The following HEATR3 variants were observed in gnomAD, a reference collection of about 807,000 sequenced individuals.
HEATR3 encodes HEAT repeat containing 3.
Under a neutral mutation model 72.8 loss-of-function variants are expected in HEATR3, and 56 were observed. The ratio of observed to expected loss-of-function variants is 0.77; its 90% CI spans 0.62 to 0.96. HEATR3 has a LOEUF of 0.96. Among genes scored for constraint, HEATR3 ranks in the 40% least tolerant of loss-of-function variants. The pLI, the probability that HEATR3 is intolerant of heterozygous loss-of-function variation, is 0.00. For missense variants in HEATR3, 747 were observed against 831.4 expected (o/e 0.90, Z 1.25); for synonymous variants, 331 against 318.1 (o/e 1.04, Z -0.43).
chr16:50,075,526 A>G lies in HEATR3; in HGVS notation c.623-45A>G, dbSNP rs901850170. On this transcript the variant is annotated intron_variant, in intron 5 of 14. Coordinates refer to ENST00000299192, the MANE Select transcript of HEATR3 (RefSeq NM_182922.4). ...GAGTTATACTGGTGTAAATTATCCA[A>G]AGCAGAATTCATTTGTTTCTAAATA... 8 of 1,559,004 alleles carry G rather than the reference A, an allele frequency of 5.1e-6. No individual in the cohort carries two copies. In the African/African-American group the frequency reaches 1.1e-4, roughly 21 times the overall value.
rs1372836017 is a variant in HEATR3 at position 50,066,088 on chromosome 16, T to G, written c.-44T>G. The G allele has an allele frequency of 1.9e-6, 3 of 1,552,172 alleles. No homozygotes were observed. The highest frequency in any genetic ancestry group is 2.6e-6 in the Non-Finnish European group (3 of 1,152,776). ...GCGCGGCAGCCTCCACCGCCTGCTGTTGCCCTCCTCTCTCGGTGGTCTGTC... is the reference window on the plus strand; with the variant it reads ...GCGCGGCAGCCTCCACCGCCTGCTGGTGCCCTCCTCTCTCGGTGGTCTGTC... On this transcript the variant is annotated 5_prime_UTR_variant, in exon 1 of 15. Transcript: ENST00000299192.
chr16:50,073,905 A>G (rs1290244823), intron 5 of HEATR3: 1 of 152,234 alleles, frequency 6.6e-6, no homozygotes. Context: ...TTGCTTCTAA[A>G]GTCAAGCAAT....
intron 11 of HEATR3, among the ~76,000 whole-genome samples, chr16:50,086,606 T>C (rs938038763): frequency 6.6e-6 from 1 of 152,206 alleles, no homozygotes; most frequent in Non-Finnish European, 1.5e-5. Context: ...GGCTGTATCA[T>C]AAATATCATA....
intron 4 of HEATR3, among the ~76,000 whole-genome samples, chr16:50,072,134 G>A (rs1337547762): frequency 6.6e-6 from 1 of 152,036 alleles, no homozygotes; most frequent in Non-Finnish European, 1.5e-5. Flanking sequence ...AAATATAGAG[G>A]CCTTTTATCC....
intron 11 of HEATR3, among the ~76,000 whole-genome samples, chr16:50,091,378 A>C (rs992042255): frequency 4.0e-5 from 6 of 151,760 alleles, no homozygotes; most frequent in African/African-American, 1.5e-4. Flanking sequence ...GAGGCAGGAG[A>C]ATCACTTGAA....
At chr16:50,089,419 A>G (rs1006825073) in intron 11 of HEATR3, among the ~76,000 whole-genome samples, 4 of 152,064 alleles carry the variant, frequency 2.6e-5, no homozygotes, top group Admixed American at 1.3e-4. Context: ...TTGCCTATGT[A>G]ATGGGTTTGG....
intron 12 of HEATR3, among the ~76,000 whole-genome samples, chr16:50,095,830 A>C (rs78566449): frequency 6.6e-6 from 1 of 152,108 alleles, no homozygotes; most frequent in Admixed American, 6.6e-5. Context: ...AAAGCAAATC[A>C]TATTAGACCC....
At chr16:50,075,459 C>T (rs2036703850) in intron 5 of HEATR3, 112 bp from the exon 6 acceptor site, 2 of 985,560 alleles carry the variant, frequency 2.0e-6, no homozygotes, top group Admixed American at 4.5e-5. Context: ...GCAAAACCTA[C>T]ATGTGTCTAA....
intron 4 of HEATR3, 69 bp downstream of exon 4, chr16:50,070,359 G>A: frequency 1.4e-6 from 1 of 693,008 alleles, no homozygotes; most frequent in Non-Finnish European, 2.4e-6. Flanking sequence ...GTTATACTGT[G>A]TAGGAATCTC....
At chr16:50,066,672 T>G in intron 2 of HEATR3, 133 bp downstream of exon 2, 2 of 836,166 alleles carry the variant, frequency 2.4e-6, no homozygotes, top group Non-Finnish European at 3.2e-6. Context: ...TTGCAGAGAT[T>G]TGAAGCCAGT....
intron 11 of HEATR3, among the ~76,000 whole-genome samples, chr16:50,091,486 A>T (rs755992350): frequency 6.6e-6 from 1 of 151,864 alleles, no homozygotes; most frequent in Non-Finnish European, 1.5e-5. Flanking sequence ...ATAATAATAA[A>T]AAAATTTTAA....
chr16:50,090,381 C>T (rs1391024658), intron 11 of HEATR3, among the ~76,000 whole-genome samples: 3 of 151,756 alleles, frequency 2.0e-5, no homozygotes, highest in Non-Finnish European at 4.4e-5. Flanking sequence ...GAATTTAGTG[C>T]GGAGAATGGG....
At chr16:50,079,059 TG>T (rs1440688973) in intron 7 of HEATR3, 41 bp downstream of exon 7, 6 of 1,398,926 alleles carry the variant, frequency 4.3e-6, no homozygotes, top group East Asian at 5.1e-5. Context: ...TTAATACAGC[TG>T]TTTTTTTTTT....
intron 10 of HEATR3, among the ~76,000 whole-genome samples, chr16:50,085,496 T>G (rs1487153147): frequency 6.6e-6 from 1 of 151,268 alleles, no homozygotes; most frequent in East Asian, 2.0e-4. Context: ...TAGCCTGGCA[T>G]AGTGGCACTC....
At chr16:50,095,808 C>T (rs946140959) in intron 12 of HEATR3, among the ~76,000 whole-genome samples, 3 of 152,020 alleles carry the variant, frequency 2.0e-5, no homozygotes, top group Non-Finnish European at 4.4e-5. Context: ...TTTTTGTTTC[C>T]TGGAGTATTT....
At chr16:50,097,345 A>ATT (rs11383881) in intron 12 of HEATR3, among the ~76,000 whole-genome samples, 17,989 of 125,806 alleles carry the variant, frequency 0.14, 1,956 homozygotes, top group African/African-American at 0.29. Flanking sequence ...ATTAGCTATG[A>ATT]TTTTTTTTTT....
chr16:50,078,553 G>A (rs188787092), intron 6 of HEATR3, among the ~76,000 whole-genome samples, 188 bp from the exon 7 acceptor site: 2 of 152,196 alleles, frequency 1.3e-5, no homozygotes, highest in Admixed American at 6.5e-5. Flanking sequence ...AGATGATTGT[G>A]CAGGGTTATA....
Position 50,086,330 on chromosome 16 carries a change from C to T in HEATR3, c.1489C>T (p.Gln497Ter), listed in dbSNP as rs151327885. 1.2e-6 allele frequency: 2 copies of T among 1,601,572 alleles called. No homozygotes were observed. The highest frequency in any genetic ancestry group is 1.7e-6 in the Non-Finnish European group (2 of 1,173,982). ...TCAGACGCTTGCACAGCATCTGTCA[C>T]AGCTGCTTTTTTCTCAACCAGGTAT... ...ALQTLAQHLS[Q>*]LLFSQPDFAK... Residue 497 changes from glutamine (Q) to a stop codon, truncating the protein, a stop_gained, in exon 11 of 15, where the codon CAG becomes TAG. Coordinates refer to ENST00000299192, the MANE Select transcript of HEATR3 (RefSeq NM_182922.4). LOFTEE classifies it high-confidence loss of function.
In HEATR3 at chr16:50,084,982, A is replaced by G. The variant is rs946483753; in HGVS notation, c.1373+331A>G. Among the ~76,000 whole-genome samples the G allele has an allele frequency of 5.9e-5, 9 of 152,344 alleles. No homozygotes were observed. The East Asian group carries it at 1.7e-3, about 29-fold the overall frequency. On this transcript the variant is annotated intron_variant, in intron 10 of 14. Transcript: ENST00000299192. ...TACTCACAACTCGGATGGAACTTACATTGTTGAACCAAAAAAGCGAGACAT... is the reference window on the plus strand; with the variant it reads ...TACTCACAACTCGGATGGAACTTACGTTGTTGAACCAAAAAAGCGAGACAT...
Sources: allele counts gnomAD v4.1 joint callset (sites outside exome capture counted in the v4.1 genomes callset), GRCh38; gene constraint gnomAD v4.1.1; transcripts MANE v1.5; gene names NCBI Gene and HGNC (gene_info 2026-07-23, HGNC 2026-07-21).